TFF2: variants seen among roughly 807,000 people sequenced by gnomAD.
TFF2 encodes spasmolysin.
A neutral mutation model predicts 16.0 loss-of-function variants in TFF2; 19 were observed. The observed-to-expected ratio is 1.19, with a 90% CI of 0.83 to 1.74. The LOEUF (loss-of-function observed/expected upper bound fraction) is 1.74, where lower values mean the gene tolerates loss of function less well. TFF2 is among the 40% of genes most tolerant of loss of function. The pLI, the probability that TFF2 is intolerant of heterozygous loss-of-function variation, is 0.00. For missense variants in TFF2, 168 were observed against 166.8 expected (o/e 1.01, Z -0.04); for synonymous variants, 61 against 65.4 (o/e 0.93, Z 0.32).
intron 2 of TFF2, among the ~76,000 whole-genome samples, chr21:42,347,910 A>G (rs2052082087): frequency 6.6e-6 from 1 of 152,176 alleles, no homozygotes; most frequent in South Asian, 2.1e-4. Context: ...GGTCACAGTC[A>G]GAAGCTCTGG....
rs765983622 is a variant in TFF2 at position 42,350,842 on chromosome 21, A to T, written c.79+37T>A. On this transcript the variant is annotated intron_variant, in intron 1 of 3. Transcript: ENST00000291526. Reference sequence around the variant, plus strand: ...CTTTTTTTTTTTCTTTAAGAGAAATAAAGAAAGCACATAAAAAGACCCTCT... The same window carrying T: ...CTTTTTTTTTTTCTTTAAGAGAAATTAAGAAAGCACATAAAAAGACCCTCT... 10 of 1,570,736 alleles carry T rather than the reference A, an allele frequency of 6.4e-6. No individual in the cohort carries two copies. The African/African-American group carries it at 1.1e-4, about 17-fold the overall frequency.
chr21:42,347,556 G>A lies in TFF2; in HGVS notation c.306C>T (p.Ala102=). ...GYPGISPEEC[A]SRKCCFSNFI... The stretch of plus-strand genomic sequence containing the variant: ...AGTTGGAGAAGCAGCACTTCCGAGA[G>A]GCGCATTCCTCGGGGCTGATGCCCG... Residue 102 remains alanine (A), a synonymous_variant, in exon 3 of 4, where the codon GCC becomes GCT. Transcript: ENST00000291526. The A allele has an allele frequency of 1.2e-6, 2 of 1,614,222 alleles. No individual in the cohort carries two copies. The highest frequency in any genetic ancestry group is 3.3e-5 in the Admixed American group (2 of 60,034).
Position 42,347,497 on chromosome 21 carries a change from T to A in TFF2, c.365A>T (p.Lys122Met). 6.2e-7 allele frequency: 1 copy of A among 1,614,126 alleles called. No homozygotes were observed. The highest frequency in any genetic ancestry group is 8.5e-7 in the Non-Finnish European group (1 of 1,179,996). Reference protein sequence around the residue: ...IFEVPWCFFPKSVEDCHY With the variant: ...IFEVPWCFFPMSVEDCHY Reference sequence around the variant, plus strand: ...CACAGCGACGTTACCTTCCACAGACTTCGGGAAGAAGCACCAGGGCACTTC... The same window carrying A: ...CACAGCGACGTTACCTTCCACAGACATCGGGAAGAAGCACCAGGGCACTTC... The change falls in exon 3 of 4, where the codon AAG becomes ATG. Residue 122 changes from lysine to methionine, a missense_variant. Physicochemically the swap from Lys to Met is moderately conservative, Grantham distance 95. Coordinates refer to ENST00000291526, the MANE Select transcript of TFF2 (RefSeq NM_005423.5).
At chr21:42,349,103 C>G (rs1300456015) in intron 2 of TFF2, among the ~76,000 whole-genome samples, 1 of 151,526 alleles carries the variant, frequency 6.6e-6, no homozygotes, top group Non-Finnish European at 1.5e-5. Context: ...ACTAACCAAC[C>G]TGGGCTAGCT....
chr21:42,348,267 C>T (rs1320524717), intron 2 of TFF2, among the ~76,000 whole-genome samples: 2 of 152,118 alleles, frequency 1.3e-5, no homozygotes, highest in African/African-American at 2.4e-5. Flanking sequence ...GTCCTGATCC[C>T]GTGCACTAAC....
chr21:42,346,692 G>C (rs1450593696), intron 3 of TFF2, 146 bp from the exon 4 acceptor site: 1 of 880,390 alleles, frequency 1.1e-6, no homozygotes, highest in African/African-American at 1.7e-5. Flanking sequence ...GGTGTAAAGG[G>C]ACCAAATCTT....
intron 1 of TFF2, 142 bp from the exon 2 acceptor site, chr21:42,350,172 G>A (rs2052105191): frequency 3.7e-6 from 5 of 1,335,878 alleles, no homozygotes; most frequent in Admixed American, 3.2e-5. Flanking sequence ...TTTAAGCAAT[G>A]CGGTTTCCTC....
Position 42,347,462 on chromosome 21 carries a change from CAG to C in TFF2, c.376+22_376+23del, listed in dbSNP as rs770167723. On this transcript the variant is annotated intron_variant, in intron 3 of 3. Transcript: ENST00000291526. ...GGAATCATGGTGTCCGGGAACCAGA[CAG>C]AGAGTCCCACAGCGACGTTACCTTC... 26 of 1,613,902 alleles carry C rather than the reference CAG, an allele frequency of 1.6e-5. No individual in the cohort carries two copies. In the African/African-American group the frequency reaches 3.1e-4, roughly 19 times the overall value.
intron 1 of TFF2, among the ~76,000 whole-genome samples, chr21:42,350,626 A>C (rs1377781164): frequency 2.0e-5 from 3 of 152,196 alleles, no homozygotes; most frequent in African/African-American, 7.2e-5. Flanking sequence ...TGGGACTCCA[A>C]GGACCCTTGG....
chr21:42,347,513 AG>A lies in TFF2; in HGVS notation c.348del (p.Trp117GlyfsTer59). ...CCFSNFIFEV[P>X]WCFFPKSVED... is the part of the protein sequence containing the mutation. ...TCCACAGACTTCGGGAAGAAGCACC[AG>A]GGCACTTCAAAGATGAAGTTGGAGA... On this transcript the variant is annotated frameshift_variant, in exon 3 of 4. Coordinates refer to ENST00000291526, the MANE Select transcript of TFF2 (RefSeq NM_005423.5). LOFTEE classifies it high-confidence loss of function. 1 of 1,614,184 alleles carries A rather than the reference AG, an allele frequency of 6.2e-7. No individual in the cohort carries two copies. Among genetic ancestry groups the A allele is most frequent in the Non-Finnish European group, 8.5e-7 (1 of 1,180,018 alleles).
In TFF2 at chr21:42,350,297, C is replaced by A. The variant is rs113793902; in HGVS notation, c.80-267G>T. The A allele has an allele frequency of 3.7e-5, 26 of 697,376 alleles. No individual in the cohort carries two copies. In the East Asian group the frequency reaches 1.2e-3, roughly 33 times the overall value. 43.2% of individuals were successfully genotyped at this position (697,376 alleles called of 1,614,324 possible). Reference sequence around the variant, plus strand: ...ATCCCAGCACTTTAGGAAGCCGAGGCGGGCAGATTGCTTGAGCTCAGGAGT... The same window carrying A: ...ATCCCAGCACTTTAGGAAGCCGAGGAGGGCAGATTGCTTGAGCTCAGGAGT... On this transcript the variant is annotated intron_variant, in intron 1 of 3. Transcript: ENST00000291526.
intron 2 of TFF2, among the ~76,000 whole-genome samples, chr21:42,348,902 G>A (rs1251140171): frequency 1.3e-5 from 2 of 148,794 alleles, no homozygotes; most frequent in Non-Finnish European, 3.0e-5. Context: ...GCTAGCCCTA[G>A]ACTACCTCTA....
chr21:42,346,624 G>A (rs1161935644), intron 3 of TFF2, 78 bp from the exon 4 acceptor site: 44 of 1,472,184 alleles, frequency 3.0e-5, no homozygotes, highest in Non-Finnish European at 3.6e-5. Context: ...TGGGGTGGGC[G>A]TGCATCACTT....
rs1226950573 is a variant in TFF2, at chr21:42,346,508, A to T, written c.*25T>A. 6.2e-7 allele frequency: 1 copy of T among 1,612,972 alleles called. No individual in the cohort carries two copies. The highest frequency in any genetic ancestry group is 1.7e-5 in the Admixed American group (1 of 59,774). ...GGTTTCGGAACACCCGGTGAGCCAG[A>T]TGCATCCTCTGGAACCAGCCTCTCT... is the stretch of plus-strand genomic sequence containing the variant. On this transcript the variant is annotated 3_prime_UTR_variant, in exon 4 of 4. Coordinates refer to ENST00000291526, the MANE Select transcript of TFF2 (RefSeq NM_005423.5).
intron 1 of TFF2, 110 bp from the exon 2 acceptor site, chr21:42,350,140 A>C: frequency 7.0e-7 from 1 of 1,424,256 alleles, no homozygotes; most frequent in South Asian, 1.5e-5. Context: ...ATAGAGAAAC[A>C]CAAAGTCTTA....
At chr21:42,347,774 A>T in intron 2 of TFF2, 142 bp from the exon 3 acceptor site, 1 of 1,119,940 alleles carries the variant, frequency 8.9e-7, no homozygotes, top group Non-Finnish European at 1.2e-6. Flanking sequence ...ATCCCCCGGG[A>T]CGGCCTCCCC....
At chr21:42,348,962 C>T (rs1330231601) in intron 2 of TFF2, among the ~76,000 whole-genome samples, 1 of 152,032 alleles carries the variant, frequency 6.6e-6, no homozygotes, top group Non-Finnish European at 1.5e-5. Context: ...AGGCTAGTCC[C>T]AGACTAACCA....
At chr21:42,348,435 A>G (rs1162681431) in intron 2 of TFF2, among the ~76,000 whole-genome samples, 4 of 151,812 alleles carry the variant, frequency 2.6e-5, no homozygotes, top group South Asian at 4.2e-4. Flanking sequence ...GAGACCTACT[A>G]TATATATATA....
Position 42,349,869 on chromosome 21 carries a change from C to G in TFF2, c.229+12G>C. 6.3e-7 allele frequency: 1 copy of G among 1,585,504 alleles called. No individual in the cohort carries two copies. The highest frequency in any genetic ancestry group is 2.3e-5 in the East Asian group (1 of 43,746). ...CCAGCTGCTGGCCCAGGAAGATTCC[C>G]TGGAAGATTACCTTGCTTTGGGAGG... On this transcript the variant is annotated intron_variant, in intron 2 of 3. Transcript: ENST00000291526.
Sources: gnomAD v4.1 joint callset for allele counts (sites outside exome capture counted in the v4.1 genomes callset) on GRCh38, gnomAD v4.1.1 for gene constraint, MANE v1.5 for transcripts, NCBI Gene and HGNC (gene_info 2026-07-23, HGNC 2026-07-21) for gene names.